Variants in CCND1 observed in about 807,000 individuals in gnomAD.
The protein encoded by CCND1 is cyclin D1.
CCND1 carries 9 observed loss-of-function variants against 26.1 expected under a neutral mutation model. The observed-to-expected ratio is 0.35, with a 90% CI of 0.21 to 0.60. The LOEUF (loss-of-function observed/expected upper bound fraction) is 0.60. CCND1 is among the 20% of genes least tolerant of loss of function. CCND1 has a pLI of 0.79. For synonymous variants in CCND1, 194 were observed against 166.1 expected (o/e 1.17, Z -1.29); for missense variants, 335 against 392.9 (o/e 0.85, Z 1.25).
chr11:69,643,193 G>A lies in CCND1; in HGVS notation c.361G>A (p.Ala121Thr), dbSNP rs1469991905. The change falls in exon 2 of 5, where the codon GCC becomes ACC. Residue 121 changes from alanine (A) to threonine (T), a missense_variant. Ala to Thr is a moderately conservative substitution (Grantham distance 58). Transcript: ENST00000227507. ...SKMKETIPLT[A>T]EKLCIYTDNS... is the part of the protein sequence containing the mutation. The stretch of plus-strand genomic sequence containing the variant: ...GATGAAGGAGACCATCCCCCTGACG[G>A]CCGAGAAGCTGTGCATCTACACCGA... 3 of 1,605,526 alleles carry A rather than the reference G, an allele frequency of 1.9e-6. No individual in the cohort carries two copies. Among genetic ancestry groups the A allele is most frequent in the Admixed American group, 1.7e-5 (1 of 59,046 alleles).
intron 4 of CCND1, among the ~76,000 whole-genome samples, chr11:69,649,619 C>T (rs1855829997): frequency 6.6e-6 from 1 of 152,226 alleles, no homozygotes; most frequent in South Asian, 2.1e-4. Flanking sequence ...TGACTTTTCG[C>T]GGAGGAGCGT....
intron 4 of CCND1, among the ~76,000 whole-genome samples, chr11:69,650,135 G>A (rs1259499855): frequency 2.0e-5 from 3 of 152,240 alleles, no homozygotes; most frequent in Non-Finnish European, 4.4e-5. Context: ...TGTGCGGCAC[G>A]TGGTGGGGCT....
intron 4 of CCND1, among the ~76,000 whole-genome samples, 170 bp from the exon 5 acceptor site, chr11:69,650,948 T>C (rs1855845984): frequency 6.6e-6 from 1 of 152,084 alleles, no homozygotes; most frequent in African/African-American, 2.4e-5. Flanking sequence ...TGATGGCAGC[T>C]CCCACATCTC....
At chr11:69,643,394 C>T (rs569642045) in intron 2 of CCND1, 148 bp downstream of exon 2, 1 of 599,664 alleles carries the variant, frequency 1.7e-6, no homozygotes, top group Non-Finnish European at 2.7e-6. Context: ...GCGTCCCTGT[C>T]CGGGGAGCGG....
In CCND1 at chr11:69,643,309, G is replaced by T. The variant is rs538688519; in HGVS notation, c.414+63G>T. The T allele has an allele frequency of 5.1e-4, 699 of 1,373,434 alleles. 7 individuals carry two copies. The African/African-American group carries it at 8.5e-3, about 17-fold the overall frequency. 85.1% of individuals were successfully genotyped at this position (1,373,434 alleles called of 1,614,324 possible). The stretch of plus-strand genomic sequence containing the variant: ...GCCGCACGCAGGACCACGGGGCCGG[G>T]GAAGGTGCAGGCGGTGGCGGCCGGC... On this transcript the variant is annotated intron_variant, in intron 2 of 4. Transcript: ENST00000227507.
intron 4 of CCND1, among the ~76,000 whole-genome samples, chr11:69,649,953 G>A (rs1303289542): frequency 6.6e-6 from 1 of 152,214 alleles, no homozygotes; most frequent in Non-Finnish European, 1.5e-5. Flanking sequence ...AGCTTCATTT[G>A]CCATGATGAG....
rs1317294991 is a variant in CCND1, at chr11:69,652,611, A to AG, written c.*1330dup. On this transcript the variant is annotated 3_prime_UTR_variant, in exon 5 of 5. Coordinates refer to ENST00000227507, the MANE Select transcript of CCND1 (RefSeq NM_053056.3). ...GTAGGGACCTCAGAGGTTTACCTAGAGAACAGGTGGTTTTTAAGGGTTATC... is the reference window on the plus strand; with the variant it reads ...GTAGGGACCTCAGAGGTTTACCTAGAGGAACAGGTGGTTTTTAAGGGTTATC... The AG allele has an allele frequency of 4.3e-6, 1 of 233,232 alleles. No individual in the cohort carries two copies. Among genetic ancestry groups the AG allele is most frequent in the Non-Finnish European group, 8.5e-6 (1 of 118,084 alleles). 14.4% of individuals were successfully genotyped at this position (233,232 alleles called of 1,614,324 possible). A position where few individuals can be genotyped will look rare whatever the true frequency, so the allele number is the denominator to read the frequency against.
chr11:69,642,432 A>AG (rs1373551583), intron 1 of CCND1, among the ~76,000 whole-genome samples: 3 of 152,022 alleles, frequency 2.0e-5, no homozygotes, highest in African/African-American at 4.8e-5. Context: ...CCCAGGGGGA[A>AG]GGGGGGGCCC....
rs1855878239 is a variant in CCND1 at position 69,653,230 on chromosome 11, A to G, written c.*1948A>G. On this transcript the variant is annotated 3_prime_UTR_variant, in exon 5 of 5. Coordinates refer to ENST00000227507, the MANE Select transcript of CCND1 (RefSeq NM_053056.3). ...CACACCGGGGACAGGCCGCAGCTCC[A>G]TTTTCTTATTGCGCTGCTACCGTTG... 1.1e-5 allele frequency: 8 copies of G among 700,506 alleles called. No individual in the cohort carries two copies. Among genetic ancestry groups the G allele is most frequent in the Non-Finnish European group, 1.8e-5 (7 of 384,214 alleles). 43.4% of individuals were successfully genotyped at this position (700,506 alleles called of 1,614,324 possible).
rs373248238 is a variant in CCND1, at chr11:69,653,221, C to T, written c.*1939C>T. 35 of 699,366 alleles carry T rather than the reference C, an allele frequency of 5.0e-5. No individual in the cohort carries two copies. The highest frequency in any genetic ancestry group is 4.7e-4 in the African/African-American group (27 of 57,198). The allele number at this position is 699,366 out of a possible 1,614,324, so 43.3% of individuals were successfully genotyped here. ...GGCGGTGCCCACACCGGGGACAGGC[C>T]GCAGCTCCATTTTCTTATTGCGCTG... On this transcript the variant is annotated 3_prime_UTR_variant, in exon 5 of 5. Transcript: ENST00000227507.
chr11:69,645,185 G>T (rs183725496), intron 3 of CCND1, among the ~76,000 whole-genome samples: 87 of 152,332 alleles, frequency 5.7e-4, no homozygotes, highest in Non-Finnish European at 1.2e-3. Context: ...TGGGGTGGGG[G>T]GGCATGCGGC....
In CCND1 at chr11:69,651,211, G is replaced by A. The variant is rs2120120563; in HGVS notation, c.817G>A (p.Glu273Lys). The change falls in exon 5 of 5, where the codon GAG (glutamate) becomes AAG (lysine). Residue 273 changes from glutamate to lysine, a missense_variant. Coordinates refer to ENST00000227507, the MANE Select transcript of CCND1 (RefSeq NM_053056.3). ...GAACATGGACCCCAAGGCCGCCGAG[G>A]AGGAGGAAGAGGAGGAGGAGGAGGT... ...QQNMDPKAAE[E>K]EEEEEEEVDL... 1.2e-6 allele frequency: 2 copies of A among 1,604,648 alleles called. No homozygotes were observed. Among genetic ancestry groups the A allele is most frequent in the Non-Finnish European group, 1.7e-6 (2 of 1,174,634 alleles).
Position 69,652,147 on chromosome 11 carries a change from A to G in CCND1, c.*865A>G, listed in dbSNP as rs1327751313. On this transcript the variant is annotated 3_prime_UTR_variant, in exon 5 of 5. Coordinates refer to ENST00000227507, the MANE Select transcript of CCND1 (RefSeq NM_053056.3). ...ACGAAATAGTGACATAATATATTCT[A>G]TTTTTATACTCTTCCTATTTTTGTA... 1.7e-5 allele frequency: 4 copies of G among 233,436 alleles called. No individual in the cohort carries two copies. The highest frequency in any genetic ancestry group is 6.0e-5 in the East Asian group (1 of 16,604). The allele number at this position is 233,436 out of a possible 1,614,324, so 14.5% of individuals were successfully genotyped here.
At chr11:69,649,463 CA>C (rs1431298890) in intron 4 of CCND1, among the ~76,000 whole-genome samples, 1 of 152,236 alleles carries the variant, frequency 6.6e-6, no homozygotes, top group Non-Finnish European at 1.5e-5. Context: ...TCTGCCTGAT[CA>C]GCTAGTGACC....
rs764630402 is a variant in CCND1, at chr11:69,651,114, T to G, written c.724-4T>G. The G allele has an allele frequency of 6.2e-7, 1 of 1,611,770 alleles. No homozygotes were observed. The highest frequency in any genetic ancestry group is 8.5e-7 in the Non-Finnish European group (1 of 1,178,926). ...CCCACCTCTCCCCACCCTCTCTCTC[T>G]CAGGACTGCCTCCGGGCCTGCCAGG... On this transcript the variant is annotated splice_polypyrimidine_tract_variant and splice_region_variant and intron_variant, in intron 4 of 4. Coordinates refer to ENST00000227507, the MANE Select transcript of CCND1 (RefSeq NM_053056.3).
rs2120090047 is a variant in CCND1, at chr11:69,643,216, C to T, written c.384C>T (p.Thr128=). 1 of 1,598,356 alleles carries T rather than the reference C, an allele frequency of 6.3e-7. No individual in the cohort carries two copies. The highest frequency in any genetic ancestry group is 8.5e-7 in the Non-Finnish European group (1 of 1,173,116). Residue 128 remains threonine, a synonymous_variant, in exon 2 of 5, where the codon ACC becomes ACT. Transcript: ENST00000227507. ...CGGCCGAGAAGCTGTGCATCTACACCGACAACTCCATCCGGCCCGAGGAGC... is the reference window on the plus strand; with the variant it reads ...CGGCCGAGAAGCTGTGCATCTACACTGACAACTCCATCCGGCCCGAGGAGC... The part of the protein sequence containing the change: ...PLTAEKLCIY[T]DNSIRPEELL...
At chr11:69,646,455 G>A (rs1316913574) in intron 3 of CCND1, among the ~76,000 whole-genome samples, 2 of 152,114 alleles carry the variant, frequency 1.3e-5, no homozygotes, top group Admixed American at 6.5e-5. Flanking sequence ...CGGATGGGCC[G>A]CCACACCCCT....
rs752108957 is a variant in CCND1, at chr11:69,651,217, G to A, written c.823G>A (p.Glu275Lys). ...GGACCCCAAGGCCGCCGAGGAGGAG[G>A]AAGAGGAGGAGGAGGAGGTGGACCT... ...NMDPKAAEEEEEEEEEVDLAC... is the reference protein window; with the variant it reads ...NMDPKAAEEEKEEEEEVDLAC... The change falls in exon 5 of 5, where the codon GAA becomes AAA. Residue 275 changes from glutamate to lysine, a missense_variant. By Grantham distance (56) the Glu-to-Lys change is moderately conservative. Coordinates refer to ENST00000227507, the MANE Select transcript of CCND1 (RefSeq NM_053056.3). The A allele has an allele frequency of 6.2e-7, 1 of 1,604,598 alleles. No individual in the cohort carries two copies. Among genetic ancestry groups the A allele is most frequent in the South Asian group, 1.1e-5 (1 of 90,496 alleles).
intron 3 of CCND1, among the ~76,000 whole-genome samples, chr11:69,647,006 G>C (rs1247692259): frequency 1.3e-5 from 2 of 152,130 alleles, no homozygotes; most frequent in Non-Finnish European, 2.9e-5. Context: ...CCAGATGTGC[G>C]GGACAGTCCC....
Sources: gnomAD v4.1 joint callset for allele counts (sites outside exome capture counted in the v4.1 genomes callset) on GRCh38, gnomAD v4.1.1 for gene constraint, MANE v1.5 for transcripts, NCBI Gene and HGNC (gene_info 2026-07-23, HGNC 2026-07-21) for gene names.